Variants in GULP1 observed in about 807,000 individuals in gnomAD.
GULP1 encodes the protein PTB domain-containing engulfment adapter protein 1.
In GULP1, 19 loss-of-function variants were observed where a neutral mutation model predicts 40.9. The observed-to-expected ratio is 0.46, with a 90% confidence interval of 0.32 to 0.68. GULP1 has a LOEUF of 0.68. Among genes scored for constraint, GULP1 ranks in the 30% least tolerant of loss-of-function variants. The pLI is 0.03. For synonymous variants in GULP1, 119 were observed against 117.6 expected (o/e 1.01, Z -0.08); for missense variants, 312 against 362.2 (o/e 0.86, Z 1.12).
intron 2 of GULP1, among the ~76,000 whole-genome samples, chr2:188,434,873 G>T (rs1300284521): frequency 6.6e-6 from 1 of 151,820 alleles, no homozygotes; most frequent in Non-Finnish European, 1.5e-5. Context: ...TTGTAGGGAT[G>T]TTATTTTCTC....
intron 4 of GULP1, among the ~76,000 whole-genome samples, chr2:188,510,224 T>G (rs2064363780): frequency 6.6e-6 from 1 of 152,104 alleles, no homozygotes; most frequent in South Asian, 2.1e-4. Context: ...TGTGTAAGTT[T>G]AAACATGAAG....
chr2:188,348,119 G>A (rs1043143798), intron 1 of GULP1, among the ~76,000 whole-genome samples: 29 of 152,192 alleles, frequency 1.9e-4, no homozygotes, highest in Middle Eastern at 3.4e-3. Context: ...AATTTATAAA[G>A]CAATTGAAAA....
chr2:188,338,365 A>G (rs2042547194), intron 1 of GULP1, among the ~76,000 whole-genome samples: 1 of 148,396 alleles, frequency 6.7e-6, no homozygotes, highest in Non-Finnish European at 1.5e-5. Context: ...TGCAGTCTCC[A>G]TCTCCCAGGG....
At chr2:188,305,740 A>G (rs1379987302) in intron 1 of GULP1, among the ~76,000 whole-genome samples, 1 of 152,188 alleles carries the variant, frequency 6.6e-6, no homozygotes, top group Non-Finnish European at 1.5e-5. Context: ...GATAGTTAAA[A>G]TGTTAGGTGA....
intron 7 of GULP1, among the ~76,000 whole-genome samples, chr2:188,543,428 C>T (rs1418896974): frequency 3.3e-5 from 5 of 152,184 alleles, no homozygotes; most frequent in African/African-American, 1.2e-4. Context: ...GCATCACCTT[C>T]CTGTGCTGAA....
chr2:188,581,608 A>T (rs1701342383), intron 9 of GULP1, among the ~76,000 whole-genome samples: 1 of 152,118 alleles, frequency 6.6e-6, no homozygotes. Flanking sequence ...TGATGTTCAG[A>T]CCTAGTACAC....
chr2:188,356,332 C>G (rs1237365446), intron 1 of GULP1, among the ~76,000 whole-genome samples: 1 of 152,076 alleles, frequency 6.6e-6, no homozygotes, highest in Non-Finnish European at 1.5e-5. Flanking sequence ...TCAACAAATT[C>G]AGCAAAGTTA....
At chr2:188,339,768 A>G (rs2152130366) in intron 1 of GULP1, among the ~76,000 whole-genome samples, 1 of 152,340 alleles carries the variant, frequency 6.6e-6, no homozygotes, top group East Asian at 1.9e-4. Context: ...TCTACATAAT[A>G]AAAGCTTAAA....
rs756826929 is a variant in GULP1 at position 188,421,439 on chromosome 2, T to A, written c.-45+37550T>A. On this transcript the variant is annotated intron_variant, in intron 2 of 11. Transcript: ENST00000409830. ...AACAAAGGTAAAATATATAGGAGAT[T>A]TTTCTTTTAAAGCGGTTTTTACTAA... 9.7e-4 allele frequency among the ~76,000 whole-genome samples: 147 copies of A among 152,222 alleles called. 2 individuals carry two copies. Among genetic ancestry groups the A allele is most frequent in the Non-Finnish European group, 6.2e-4 (42 of 67,996 alleles).
intron 2 of GULP1, among the ~76,000 whole-genome samples, chr2:188,447,667 T>G (rs991290506): frequency 6.6e-6 from 1 of 152,182 alleles, no homozygotes; most frequent in South Asian, 2.1e-4. Flanking sequence ...TCTGAAAATA[T>G]TATTTTGAGA....
intron 2 of GULP1, among the ~76,000 whole-genome samples, chr2:188,473,242 C>T (rs902622652): frequency 2.6e-5 from 4 of 152,150 alleles, no homozygotes; most frequent in African/African-American, 4.8e-5. Context: ...GAAGCCAGAA[C>T]AGCACTGGTT....
At chr2:188,590,808 C>T (rs1703401740) in intron 11 of GULP1, 1 of 152,096 alleles carries the variant, frequency 6.6e-6, no homozygotes, top group African/African-American at 2.4e-5. Flanking sequence ...ATGGCAAGTT[C>T]ATGAATGATG....
At chr2:188,333,884 A>G (rs982711560) in intron 1 of GULP1, among the ~76,000 whole-genome samples, 36 of 152,162 alleles carry the variant, frequency 2.4e-4, no homozygotes, top group African/African-American at 8.4e-4. Flanking sequence ...CTTAGACCCA[A>G]CTAGCCACCC....
rs1699052236 is a variant in GULP1 at position 188,571,612 on chromosome 2, C to G, written c.609+1492C>G. Among the ~76,000 whole-genome samples the G allele has an allele frequency of 5.3e-5, 8 of 152,088 alleles. No individual in the cohort carries two copies. In the South Asian group the frequency reaches 1.7e-3, roughly 31 times the overall value. ...TTTCTTGTCACTGTCTGCTGCTCAC[C>G]AGGATTATGATTTTTTTCTTGCCTC... On this transcript the variant is annotated intron_variant, in intron 9 of 11. Coordinates refer to ENST00000409830, the MANE Select transcript of GULP1 (RefSeq NM_016315.4).
chr2:188,457,642 TA>T (rs2059375702), intron 2 of GULP1, among the ~76,000 whole-genome samples: 1 of 152,186 alleles, frequency 6.6e-6, no homozygotes, highest in African/African-American at 2.4e-5. Flanking sequence ...AAGAGGAACA[TA>T]ACTGATGTAG....
intron 1 of GULP1, among the ~76,000 whole-genome samples, chr2:188,304,309 A>G (rs961214937): frequency 6.6e-6 from 1 of 152,190 alleles, no homozygotes; most frequent in Non-Finnish European, 1.5e-5. Context: ...TCATATTAAC[A>G]TCTTCATAAG....
intron 1 of GULP1, among the ~76,000 whole-genome samples, chr2:188,300,326 A>G (rs1005255895): frequency 6.6e-6 from 1 of 152,224 alleles, no homozygotes; most frequent in Non-Finnish European, 1.5e-5. Flanking sequence ...GGTAGTAAGT[A>G]ACTGTGCCAG....
chr2:188,355,061 T>A (rs929158914), intron 1 of GULP1, among the ~76,000 whole-genome samples: 1 of 152,116 alleles, frequency 6.6e-6, no homozygotes, highest in Non-Finnish European at 1.5e-5. Context: ...AAGAGGCATG[T>A]TTATAGCAAT....
intron 1 of GULP1, among the ~76,000 whole-genome samples, chr2:188,346,751 T>C (rs978094811): frequency 6.6e-6 from 1 of 151,942 alleles, no homozygotes; most frequent in Non-Finnish European, 1.5e-5. Flanking sequence ...GGCGGGCGAA[T>C]CATGAGGTCA....
Sources: gnomAD v4.1 joint callset for allele counts (sites outside exome capture counted in the v4.1 genomes callset) on GRCh38, gnomAD v4.1.1 for gene constraint, MANE v1.5 for transcripts, NCBI Gene and HGNC (gene_info 2026-07-23, HGNC 2026-07-21) for gene names.